CDH8: variants seen among roughly 807,000 people sequenced by gnomAD.
CDH8 encodes the protein cadherin-8.
In CDH8, 17 loss-of-function variants were observed where a neutral mutation model predicts 68.1. The observed-to-expected ratio is 0.25, with a 90% CI of 0.17 to 0.37. The LOEUF (loss-of-function observed/expected upper bound fraction) is 0.37, where lower values mean the gene tolerates loss of function less well. CDH8 is among the 10% of genes least tolerant of loss of function. The pLI is 1.00. For missense variants in CDH8, 763 were observed against 999.3 expected (o/e 0.76, Z 3.19); for synonymous variants, 372 against 365.1 (o/e 1.02, Z -0.21).
In CDH8 at chr16:61,648,711, G is replaced by A. The variant is rs1963258066; in HGVS notation, c.*4897C>T. ...GAATGCTACTGTATTTAATCTTTCT[G>A]TATCAACCATGTAGCTTAATTTCTG... On this transcript the variant is annotated 3_prime_UTR_variant, in exon 12 of 12. Transcript: ENST00000577390. 6.6e-6 allele frequency: 1 copy of A among 151,790 alleles called. No homozygotes were observed. Among genetic ancestry groups the A allele is most frequent in the African/African-American group, 2.4e-5 (1 of 41,380 alleles). The allele number at this position is 151,790 out of a possible 1,614,324, so 9.4% of individuals were successfully genotyped here. A position where few individuals can be genotyped will look rare whatever the true frequency, so the allele number is the denominator to read the frequency against.
At chr16:61,903,376 T>C (rs1308266158) in intron 2 of CDH8, among the ~76,000 whole-genome samples, 1 of 152,198 alleles carries the variant, frequency 6.6e-6, no homozygotes, top group Non-Finnish European at 1.5e-5. Context: ...CAGGCTGGAG[T>C]GCAGTGACGC....
intron 2 of CDH8, among the ~76,000 whole-genome samples, chr16:61,905,108 A>G (rs571800880): frequency 1.3e-5 from 2 of 152,346 alleles, no homozygotes; most frequent in African/African-American, 2.4e-5. Flanking sequence ...CCTTGGTGCC[A>G]AAAAGGCTGG....
chr16:61,833,534 T>C (rs567882743), intron 4 of CDH8, among the ~76,000 whole-genome samples: 1 of 152,000 alleles, frequency 6.6e-6, no homozygotes, highest in South Asian at 2.1e-4. Flanking sequence ...GATGTGAACA[T>C]CTCTCACCAA....
intron 8 of CDH8, among the ~76,000 whole-genome samples, chr16:61,740,210 A>T (rs62050480): frequency 0.088 from 13,316 of 151,850 alleles, 723 homozygotes; most frequent in Non-Finnish European, 0.12. Flanking sequence ...CGGCCAATAT[A>T]GTATTTTTAA....
chr16:61,691,116 G>A lies in CDH8; in HGVS notation c.1654+22725C>T, dbSNP rs374236156. ...GATAAATCATGCACCTTTGTTTGCC[G>A]CACACACCTTGAGAAGTCAGTCCAG... On this transcript the variant is annotated intron_variant, in intron 10 of 11. Transcript: ENST00000577390. 4.5e-4 allele frequency among the ~76,000 whole-genome samples: 69 copies of A among 152,028 alleles called. No homozygotes were observed. The South Asian group carries it at 5.0e-3, about 11-fold the overall frequency.
intron 4 of CDH8, among the ~76,000 whole-genome samples, chr16:61,832,750 C>T (rs1049065588): frequency 2.0e-5 from 3 of 151,376 alleles, no homozygotes; most frequent in Admixed American, 6.6e-5. Context: ...CAAAGGCATA[C>T]AATATTAAGC....
At chr16:61,924,926 G>A (rs1374764186) in intron 2 of CDH8, among the ~76,000 whole-genome samples, 2 of 152,134 alleles carry the variant, frequency 1.3e-5, no homozygotes, top group East Asian at 1.9e-4. Flanking sequence ...GAAATTCGTC[G>A]TTCTGAGAAT....
At chr16:61,758,786 A>C (rs1248931814) in intron 8 of CDH8, among the ~76,000 whole-genome samples, 1 of 152,188 alleles carries the variant, frequency 6.6e-6, no homozygotes. Flanking sequence ...TTCATAGATC[A>C]AATACATAAT....
At chr16:61,948,647 T>C (rs999040121) in intron 2 of CDH8, among the ~76,000 whole-genome samples, 2 of 152,184 alleles carry the variant, frequency 1.3e-5, no homozygotes, top group African/African-American at 2.4e-5. Flanking sequence ...CAGGGAGTCA[T>C]TGTTGAAAGA....
At chr16:61,943,693 A>G (rs539187668) in intron 2 of CDH8, among the ~76,000 whole-genome samples, 4 of 152,234 alleles carry the variant, frequency 2.6e-5, no homozygotes, top group African/African-American at 4.8e-5. Flanking sequence ...TTTGGAAAAT[A>G]TAAGTGAGAC....
At chr16:61,949,218 C>T (rs1045440127) in intron 2 of CDH8, among the ~76,000 whole-genome samples, 2 of 152,058 alleles carry the variant, frequency 1.3e-5, no homozygotes, top group East Asian at 1.9e-4. Context: ...GAGTTGGGAG[C>T]GTAGAAGGCA....
intron 6 of CDH8, among the ~76,000 whole-genome samples, chr16:61,820,484 G>T (rs1339555479): frequency 6.6e-6 from 1 of 151,802 alleles, no homozygotes; most frequent in Non-Finnish European, 1.5e-5. Context: ...ACCTCTGTGG[G>T]CAACTGAGGC....
At chr16:61,972,800 T>C (rs1327351270) in intron 2 of CDH8, among the ~76,000 whole-genome samples, 1 of 152,146 alleles carries the variant, frequency 6.6e-6, no homozygotes, top group Non-Finnish European at 1.5e-5. Context: ...CAGTTGATCC[T>C]GTAGGTGCCA....
In CDH8 at chr16:61,820,180, C is replaced by T. The variant is rs561099018; in HGVS notation, c.1023+746G>A. On this transcript the variant is annotated intron_variant, in intron 6 of 11. Coordinates refer to ENST00000577390, the MANE Select transcript of CDH8 (RefSeq NM_001796.5). ...ACCTCCCTATCCAGAAGCAAGGGAA[C>T]GATGAGATTCATTTCCCATAATGCT... Among the ~76,000 whole-genome samples, 4 of 151,980 alleles carry T rather than the reference C, an allele frequency of 2.6e-5. No individual in the cohort carries two copies. The East Asian group carries it at 7.8e-4, about 30-fold the overall frequency.
intron 2 of CDH8, among the ~76,000 whole-genome samples, chr16:62,019,885 C>T (rs1902030385): frequency 6.6e-6 from 1 of 152,130 alleles, no homozygotes; most frequent in African/African-American, 2.4e-5. Flanking sequence ...ACAATAAACA[C>T]TCAGTATTGG....
intron 10 of CDH8, among the ~76,000 whole-genome samples, chr16:61,661,776 A>T (rs1256342418): frequency 1.3e-5 from 2 of 151,708 alleles, no homozygotes; most frequent in African/African-American, 4.8e-5. Flanking sequence ...AGAAAAATAT[A>T]TCTGATCATA....
At chr16:61,687,835 A>G (rs533588401) in intron 10 of CDH8, among the ~76,000 whole-genome samples, 31 of 152,160 alleles carry the variant, frequency 2.0e-4, no homozygotes, top group Non-Finnish European at 4.1e-4. Flanking sequence ...ATTGCATAGC[A>G]TCTGTAAGCT....
intron 8 of CDH8, among the ~76,000 whole-genome samples, chr16:61,735,119 T>C (rs1047880982): frequency 1.3e-5 from 2 of 152,066 alleles, no homozygotes; most frequent in African/African-American, 4.8e-5. Flanking sequence ...ATAAGGACAC[T>C]TGTCATTGGA....
chr16:61,915,569 C>T (rs1964225853), intron 2 of CDH8, among the ~76,000 whole-genome samples: 1 of 152,168 alleles, frequency 6.6e-6, no homozygotes, highest in Admixed American at 6.5e-5. Flanking sequence ...TAAAAGTCAG[C>T]ACCTGAAACC....
Sources: allele counts gnomAD v4.1 joint callset (sites outside exome capture counted in the v4.1 genomes callset), GRCh38; gene constraint gnomAD v4.1.1; transcripts MANE v1.5; gene names NCBI Gene and HGNC (gene_info 2026-07-23, HGNC 2026-07-21).